The following ZNF451 variants were observed in gnomAD, a reference collection of about 807,000 sequenced individuals.
ZNF451 encodes the protein zinc finger protein 451, also known as E3 SUMO-protein ligase ZNF451.
In ZNF451, 80 loss-of-function variants were observed where a neutral mutation model predicts 107.1. That is an observed-to-expected ratio of 0.75 (90% CI 0.62 to 0.90). ZNF451 has a LOEUF of 0.90. Among genes scored for constraint, ZNF451 ranks in the 40% least tolerant of loss-of-function variants. ZNF451 has a pLI of 0.00. For synonymous variants in ZNF451, 362 were observed against 406.5 expected, an observed-to-expected ratio of 0.89 and a Z score of 1.32; for missense variants, 1,107 against 1,236.2, an observed-to-expected ratio of 0.90 and a Z score of 1.57.
chr6:57,100,922 T>C (rs886769235), intron 3 of ZNF451: 1 of 1,550,884 alleles, frequency 6.4e-7, no homozygotes, highest in Non-Finnish European at 8.7e-7. Context: ...AATTTACGTA[T>C]AGATTCTTCT....
intron 10 of ZNF451, among the ~76,000 whole-genome samples, chr6:57,149,961 AG>A (rs1832268375): frequency 1.3e-5 from 2 of 152,312 alleles, no homozygotes; most frequent in South Asian, 4.1e-4. Context: ...GTATATTTGA[AG>A]GAACTATTAG....
Position 57,147,861 on chromosome 6 carries a change from T to C in ZNF451, c.1776T>C (p.Val592=), listed in dbSNP as rs760124313. ...TANKPSSAIT[V]IDHSPANSSP... ...ACAAGCCTTCATCAGCTATTACTGT[T>C]ATTGATCATTCCCCGGCAAATAGTT... Residue 592 remains valine (V), a synonymous_variant, in exon 10 of 15, where the codon GTT becomes GTC. Transcript: ENST00000370706. 9.3e-6 allele frequency: 15 copies of C among 1,614,024 alleles called. No individual in the cohort carries two copies. Among genetic ancestry groups the C allele is most frequent in the Non-Finnish European group, 1.3e-5 (15 of 1,179,986 alleles).
intron 3 of ZNF451, among the ~76,000 whole-genome samples, chr6:57,119,220 A>C (rs1830516501): frequency 6.6e-6 from 1 of 152,186 alleles, no homozygotes; most frequent in South Asian, 2.1e-4. Context: ...GTAACCAATC[A>C]TTCTGGTAGA....
intron 13 of ZNF451, among the ~76,000 whole-genome samples, chr6:57,157,504 C>G (rs926636542): frequency 6.6e-6 from 1 of 152,058 alleles, no homozygotes; most frequent in African/African-American, 2.4e-5. Flanking sequence ...AGGTCTCTGA[C>G]TTGGTTAGTT....
chr6:57,100,541 T>A (rs760928824), intron 3 of ZNF451: 5 of 1,437,086 alleles, frequency 3.5e-6, no homozygotes, highest in Non-Finnish European at 4.6e-6. Flanking sequence ...CACTTGAAAG[T>A]TAACATATTA....
At chr6:57,105,604 T>G (rs899461336) in intron 3 of ZNF451, 1 of 985,310 alleles carries the variant, frequency 1.0e-6, no homozygotes, top group Non-Finnish European at 1.2e-6. Flanking sequence ...TCCCTCCCCC[T>G]TATTTAACTA....
chr6:57,130,373 T>C (rs151205027), intron 5 of ZNF451, among the ~76,000 whole-genome samples: 1 of 152,160 alleles, frequency 6.6e-6, no homozygotes, highest in Admixed American at 6.5e-5. Context: ...ATGTACATTC[T>C]TCTCAGTGGA....
chr6:57,099,975 C>T (rs554152349), intron 3 of ZNF451, among the ~76,000 whole-genome samples: 6 of 152,212 alleles, frequency 3.9e-5, no homozygotes, highest in Non-Finnish European at 7.4e-5. Context: ...TTTTAGCCTC[C>T]GTTTTTTAAT....
At chr6:57,111,232 TTTAC>T (rs1260658957) in intron 3 of ZNF451, among the ~76,000 whole-genome samples, 1 of 151,630 alleles carries the variant, frequency 6.6e-6, no homozygotes, top group Non-Finnish European at 1.5e-5. Context: ...CATTCCCACT[TTTAC>T]TTTTATTTTC....
chr6:57,117,961 ATTG>A (rs1457545365), intron 3 of ZNF451, among the ~76,000 whole-genome samples: 1 of 152,094 alleles, frequency 6.6e-6, no homozygotes, highest in East Asian at 1.9e-4. Flanking sequence ...GAATATTCAC[ATTG>A]TTGTTGTGAC....
chr6:57,146,270 A>C (rs1214417665), intron 9 of ZNF451, among the ~76,000 whole-genome samples: 4 of 152,044 alleles, frequency 2.6e-5, no homozygotes, highest in Non-Finnish European at 4.4e-5. Context: ...TGCTATGCTT[A>C]AGCTTTTAAG....
Position 57,168,489 on chromosome 6 carries a change from A to G in ZNF451, c.*20A>G, listed in dbSNP as rs1362821346. The G allele has an allele frequency of 6.3e-7, 1 of 1,597,104 alleles. No homozygotes were observed. The highest frequency in any genetic ancestry group is 8.6e-7 in the Non-Finnish European group (1 of 1,168,234). ...ATGTAATTAAAGATATTACCACACAACATCAAGTGGCCTTGAAGAGACTGA... is the reference window on the plus strand; with the variant it reads ...ATGTAATTAAAGATATTACCACACAGCATCAAGTGGCCTTGAAGAGACTGA... On this transcript the variant is annotated 3_prime_UTR_variant, in exon 15 of 15. Transcript: ENST00000370706.
At chr6:57,116,254 T>TTCCATTACAAA (rs1830361059) in intron 3 of ZNF451, 1 of 152,108 alleles carries the variant, frequency 6.6e-6, no homozygotes, top group Non-Finnish European at 1.5e-5. Context: ...AAGCCAAGAT[T>TTCCATTACAAA]TGTAATGGAA....
chr6:57,105,944 ATTTAC>A (rs767790174), intron 3 of ZNF451: 258 of 984,766 alleles, frequency 2.6e-4, no homozygotes, highest in Non-Finnish European at 3.0e-4. Context: ...AATTCCATTT[ATTTAC>A]TTAGCCCTCA....
rs867943314 is a variant in ZNF451, at chr6:57,105,672, G to A, written c.186+6531G>A. The A allele has an allele frequency of 2.3e-5, 23 of 985,168 alleles. 1 individual carries two copies. The South Asian group carries it at 8.9e-4, about 38-fold the overall frequency. The allele number at this position is 985,168 out of a possible 1,614,324, so 61.0% of individuals were successfully genotyped here. ...GTGGCTAATTTTGGGGGGCCTTAAG[G>A]CAGCTTTGTTTTCTATAGATATGCT... On this transcript the variant is annotated intron_variant, in intron 3 of 14. Transcript: ENST00000370706.
chr6:57,130,017 C>T (rs1011903004), intron 5 of ZNF451, among the ~76,000 whole-genome samples: 10 of 152,172 alleles, frequency 6.6e-5, no homozygotes, highest in Admixed American at 6.6e-4. Context: ...TTATTATGTT[C>T]GATTGATCCG....
intron 14 of ZNF451, among the ~76,000 whole-genome samples, chr6:57,167,754 C>A (rs1763960058): frequency 6.6e-6 from 1 of 152,132 alleles, no homozygotes; most frequent in African/African-American, 2.4e-5. Context: ...GCATCATTCC[C>A]AAGGAGGAGA....
chr6:57,156,566 A>AG (rs1418838212), intron 13 of ZNF451, among the ~76,000 whole-genome samples: 1 of 152,146 alleles, frequency 6.6e-6, no homozygotes, highest in East Asian at 1.9e-4. Context: ...TTTGGGGTGA[A>AG]GGGGTCACTG....
chr6:57,107,741 C>G (rs1465096484), intron 3 of ZNF451: 1 of 984,840 alleles, frequency 1.0e-6, no homozygotes, highest in Admixed American at 6.2e-5. Flanking sequence ...TCTGTATTTT[C>G]TTTTAGGACT....
Sources: gnomAD v4.1 joint callset for allele counts (sites outside exome capture counted in the v4.1 genomes callset) on GRCh38, gnomAD v4.1.1 for gene constraint, MANE v1.5 for transcripts, NCBI Gene and HGNC (gene_info 2026-07-23, HGNC 2026-07-21) for gene names.